Variants in PCDHGB1 observed in about 807,000 individuals in gnomAD.
PCDHGB1 encodes the protein protocadherin gamma-B1.
PCDHGB1 carries 34 observed loss-of-function variants against 56.6 expected under a neutral mutation model. The observed-to-expected ratio is 0.60, with a 90% CI of 0.46 to 0.80. The LOEUF is 0.80. Ranked by LOEUF, PCDHGB1 falls within the 30% of genes least tolerant of loss-of-function variation. PCDHGB1 has a pLI of 0.00. For synonymous variants in PCDHGB1, 561 were observed against 505.9 expected, an observed-to-expected ratio of 1.11 and a Z score of -1.46; for missense variants, 1,278 against 1,204.6, an observed-to-expected ratio of 1.06 and a Z score of -0.90.
At chr5:141,408,301 C>A in intron 1 of PCDHGB1, 1 of 1,613,756 alleles carries the variant, frequency 6.2e-7, no homozygotes, top group Non-Finnish European at 8.5e-7. Flanking sequence ...GTGAGCCGAT[C>A]CGCTACTCGA....
intron 1 of PCDHGB1, among the ~76,000 whole-genome samples, chr5:141,446,448 T>C (rs954515926): frequency 2.6e-5 from 4 of 152,028 alleles, no homozygotes; most frequent in Non-Finnish European, 5.9e-5. Context: ...ACAGTGCAGA[T>C]ATTCAGTGTG....
At chr5:141,500,729 C>T (rs1434863449) in intron 2 of PCDHGB1, among the ~76,000 whole-genome samples, 2 of 152,130 alleles carry the variant, frequency 1.3e-5, no homozygotes, top group Non-Finnish European at 2.9e-5. Flanking sequence ...CCATGTCTTT[C>T]AAAATTCTTC....
chr5:141,378,478 GT>G (rs1210036765), intron 1 of PCDHGB1: 3 of 152,162 alleles, frequency 2.0e-5, no homozygotes, highest in African/African-American at 7.2e-5. Flanking sequence ...AGCCAAGATC[GT>G]GCCACTGCAC....
At position 141,431,636 on chromosome 5, in the gene PCDHGB1, A is replaced by C; in HGVS notation, c.2410-63171A>C. 1 of 1,614,254 alleles carries C rather than the reference A, an allele frequency of 6.2e-7. No individual in the cohort carries two copies. On this transcript the variant is annotated intron_variant, in intron 1 of 3. Transcript: ENST00000523390. This position sits in a 1 kb window ranked among gnomAD's most constrained non-coding sequence, Gnocchi z 4.8. ...GGACGACAAGGCGGCCCAAGTTTTC[A>C]AACTAGATTGTAATTCAGGGACAAT... is the stretch of plus-strand genomic sequence containing the variant.
chr5:141,399,945 G>T, intron 1 of PCDHGB1: 2 of 1,612,308 alleles, frequency 1.2e-6, no homozygotes, highest in Non-Finnish European at 1.7e-6. Context: ...ACGTGCTGCA[G>T]GCTAGCGAGC....
chr5:141,482,071 A>G (rs2099551527), intron 1 of PCDHGB1, among the ~76,000 whole-genome samples: 1 of 145,394 alleles, frequency 6.9e-6, no homozygotes, highest in Non-Finnish European at 1.5e-5. Flanking sequence ...GGCAACAAGA[A>G]CAAAACTCAC....
chr5:141,421,854 C>CCTG (rs761444125), intron 1 of PCDHGB1: 2 of 1,613,762 alleles, frequency 1.2e-6, no homozygotes, highest in Non-Finnish European at 1.7e-6. Flanking sequence ...AGGCTGCTCA[C>CCTG]CTGCTCCTCC....
intron 1 of PCDHGB1, chr5:141,398,966 C>T: frequency 6.2e-7 from 1 of 1,613,962 alleles, no homozygotes; most frequent in Non-Finnish European, 8.5e-7. Flanking sequence ...ATTACTTATT[C>T]CTTCTACAGA....
chr5:141,374,900 G>A (rs1770928989), intron 1 of PCDHGB1: 6 of 1,613,682 alleles, frequency 3.7e-6, no homozygotes, highest in South Asian at 3.3e-5. Context: ...GGATGAAGGA[G>A]TCCACGGGGA....
At chr5:141,374,701 C>G (rs781441820) in intron 1 of PCDHGB1, 1 of 1,608,844 alleles carries the variant, frequency 6.2e-7, no homozygotes, top group Non-Finnish European at 8.5e-7. Flanking sequence ...AAGGAGAAGC[C>G]GTTTACCGCC....
intron 1 of PCDHGB1, chr5:141,408,518 T>A (rs1330187050): frequency 6.2e-7 from 1 of 1,614,010 alleles, no homozygotes; most frequent in African/African-American, 1.3e-5. Flanking sequence ...TGAGTTGCAA[T>A]TGGAAGCTGT....
At chr5:141,368,971 T>G (rs1220013260) in intron 1 of PCDHGB1, among the ~76,000 whole-genome samples, 3 of 152,208 alleles carry the variant, frequency 2.0e-5, no homozygotes, top group Non-Finnish European at 4.4e-5. Context: ...GCTATAATGC[T>G]TTTCCACTAT....
chr5:141,395,152 T>C (rs1324313583), intron 1 of PCDHGB1: 1 of 1,614,196 alleles, frequency 6.2e-7, no homozygotes, highest in African/African-American at 1.3e-5. Context: ...GACATGCTCA[T>C]CAGTCAGGAG....
intron 1 of PCDHGB1, chr5:141,370,410 G>T (rs1294033268): frequency 6.4e-7 from 1 of 1,565,276 alleles, no homozygotes; most frequent in Non-Finnish European, 8.6e-7. Context: ...AAATAGCTCC[G>T]GATGGAGGGG....
At position 141,487,534 on chromosome 5, in the gene PCDHGB1, G is replaced by T; in HGVS notation, c.2410-7273G>T. The T allele has an allele frequency of 6.2e-7, 1 of 1,614,174 alleles. No homozygotes were observed. The highest frequency in any genetic ancestry group is 8.5e-7 in the Non-Finnish European group (1 of 1,180,034). ...CCACTCGGAGTGATAGCTTCATGAT[G>T]GTGAAGTCACCCAGTGCACCTATGG... On this transcript the variant is annotated intron_variant, in intron 1 of 3. Coordinates refer to ENST00000523390, the MANE Select transcript of PCDHGB1 (RefSeq NM_018922.3). This position sits in a 1 kb window ranked among gnomAD's most constrained non-coding sequence, Gnocchi z 5.0.
chr5:141,385,068 C>G, intron 1 of PCDHGB1: 1 of 1,614,206 alleles, frequency 6.2e-7, no homozygotes, highest in South Asian at 1.1e-5. Context: ...ACAAGTCACG[C>G]CTGCTGCAGG....
intron 1 of PCDHGB1, chr5:141,378,509 C>T (rs60712207): frequency 0.33 from 49,377 of 151,848 alleles, 8,313 homozygotes; most frequent in Admixed American, 0.44. Flanking sequence ...GGTGACAGAG[C>T]GAGACTCTGT....
chr5:141,444,525 C>T (rs2098439670), intron 1 of PCDHGB1, among the ~76,000 whole-genome samples: 1 of 152,062 alleles, frequency 6.6e-6, no homozygotes, highest in African/African-American at 2.4e-5. Context: ...GTAGGTGAGA[C>T]AGTGACTGTG....
chr5:141,381,971 A>C (rs1777809819), intron 1 of PCDHGB1, among the ~76,000 whole-genome samples: 1 of 150,888 alleles, frequency 6.6e-6, no homozygotes, highest in African/African-American at 2.4e-5. Flanking sequence ...CTGGGATTAC[A>C]GGCGCGCGCC....
Sources: allele counts gnomAD v4.1 joint callset (sites outside exome capture counted in the v4.1 genomes callset), GRCh38; gene constraint gnomAD v4.1.1; non-coding constraint Gnocchi (gnomAD v3.1); transcripts MANE v1.5; gene names NCBI Gene and HGNC (gene_info 2026-07-23, HGNC 2026-07-21).